The following KIAA0930 variants were observed in gnomAD, a reference collection of about 807,000 sequenced individuals.
KIAA0930 encodes uncharacterized protein KIAA0930.
A neutral mutation model predicts 43.9 loss-of-function variants in KIAA0930; 24 were observed. The ratio of observed to expected loss-of-function variants is 0.55; its 90% CI spans 0.40 to 0.77. The LOEUF (loss-of-function observed/expected upper bound fraction) is 0.77. KIAA0930 is among the 30% of genes least tolerant of loss of function. The pLI, the probability that KIAA0930 is intolerant of heterozygous loss-of-function variation, is 0.00. For missense variants in KIAA0930, 461 were observed against 574.2 expected (o/e 0.80, Z 2.02); for synonymous variants, 259 against 216.4 (o/e 1.20, Z -1.73).
chr22:45,198,131 C>G (rs2083554276), intron 8 of KIAA0930, 183 bp from the exon 9 acceptor site: 4 of 599,466 alleles, frequency 6.7e-6, no homozygotes, highest in Middle Eastern at 4.5e-4. Context: ...AACACCCCTC[C>G]CTGCTTCCTC....
chr22:45,211,501 G>C, intron 2 of KIAA0930: 1 of 405,742 alleles, frequency 2.5e-6, no homozygotes, highest in East Asian at 3.5e-5. Context: ...AAGAAGAAGA[G>C]AGCTCAGCAC....
chr22:45,213,257 G>GGCCCTCAGCCCTCA lies in KIAA0930; in HGVS notation c.65-1164_65-1151dup. On this transcript the variant is annotated intron_variant, in intron 1 of 9. Coordinates refer to ENST00000336156, the MANE Select transcript of KIAA0930 (RefSeq NM_001009880.2). The stretch of plus-strand genomic sequence containing the variant: ...GGACTCACAGCCAGCCCCAGCCCTC[G>GGCCCTCAGCCCTCA]GCCCTCAGCCCTCAGCCCTCTGCCC... 14 of 1,238,062 alleles carry GGCCCTCAGCCCTCA rather than the reference G, an allele frequency of 1.1e-5. No homozygotes were observed. The South Asian group carries it at 1.1e-4, about 10-fold the overall frequency. 76.7% of individuals were successfully genotyped at this position (1,238,062 alleles called of 1,614,324 possible).
intron 1 of KIAA0930, among the ~76,000 whole-genome samples, chr22:45,231,195 G>C (rs1418720708): frequency 6.8e-6 from 1 of 146,438 alleles, no homozygotes; most frequent in Non-Finnish European, 1.5e-5. Flanking sequence ...AGAGGTTGCA[G>C]TGAGCCAAGA....
In KIAA0930 at chr22:45,218,333, ATT is replaced by A. The variant is rs752298111; in HGVS notation, c.65-6228_65-6227del. Among the ~76,000 whole-genome samples, 310 of 51,698 alleles carry A rather than the reference ATT, an allele frequency of 6.0e-3. 2 individuals are homozygous for A. Among genetic ancestry groups the A allele is most frequent in the African/African-American group, 0.022 (266 of 12,288 alleles). The allele number at this position is 51,698 out of a possible 152,430, so 33.9% of individuals were successfully genotyped here. The stretch of plus-strand genomic sequence containing the variant: ...CCATCACACCCAGCTAATTTTTTTG[ATT>A]TTTTTTTTTTTTTTTTTTTTTTTTT... On this transcript the variant is annotated intron_variant, in intron 1 of 9. Coordinates refer to ENST00000336156, the MANE Select transcript of KIAA0930 (RefSeq NM_001009880.2).
At chr22:45,227,637 A>G (rs1455938642) in intron 1 of KIAA0930, among the ~76,000 whole-genome samples, 1 of 152,156 alleles carries the variant, frequency 6.6e-6, no homozygotes, top group African/African-American at 2.4e-5. Context: ...ACTGGAATGA[A>G]ACGCTGCCAA....
At position 45,205,711 on chromosome 22, in the gene KIAA0930, G is replaced by A; in HGVS notation, c.337-4C>T. ...CACAGGTCACCATGTAGTCCAGCTG[G>A]AAGAGAGCACGGGTCAGCGTGCAGG... On this transcript the variant is annotated splice_region_variant and splice_polypyrimidine_tract_variant and intron_variant, in intron 3 of 9. Transcript: ENST00000336156. 2 of 1,614,154 alleles carry A rather than the reference G, an allele frequency of 1.2e-6. No individual in the cohort carries two copies. Among genetic ancestry groups the A allele is most frequent in the Non-Finnish European group, 1.7e-6 (2 of 1,180,012 alleles).
In KIAA0930 at chr22:45,203,046, T is replaced by A. The variant is rs1236145556; in HGVS notation, c.796A>T (p.Thr266Ser). Residue 266 changes from threonine to serine, a missense_variant, in exon 7 of 10, where the codon ACA becomes TCA. Transcript: ENST00000336156. ...MAVSRVSTGD[T>S]SPCGTEEDSS... is the part of the protein sequence containing the mutation. ...TCCTCTTCAGTCCCACAGGGGGATGTGTCACCTGTAGACACTCGGCTGACC... is the reference window on the plus strand; with the variant it reads ...TCCTCTTCAGTCCCACAGGGGGATGAGTCACCTGTAGACACTCGGCTGACC... 3 of 1,613,598 alleles carry A rather than the reference T, an allele frequency of 1.9e-6. No individual in the cohort carries two copies. The Admixed American group carries it at 5.0e-5, about 27-fold the overall frequency.
Position 45,205,875 on chromosome 22 carries a change from C to T in KIAA0930, c.254G>A (p.Arg85Gln), listed in dbSNP as rs1463975403. 4.3e-6 allele frequency: 7 copies of T among 1,613,288 alleles called. No individual in the cohort carries two copies. Among genetic ancestry groups the T allele is most frequent in the African/African-American group, 4.0e-5 (3 of 74,768 alleles). ...EPEVEVEVYRRDSKKLPGLGD... is the reference protein window; with the variant it reads ...EPEVEVEVYRQDSKKLPGLGD... ...CAGGCCTGGCAGCTTCTTGGAGTCC[C>T]GCCGGTACACCTCCACCTCCACCTC... Residue 85 changes from arginine (R) to glutamine (Q), a missense_variant, in exon 3 of 10, where the codon CGG becomes CAG. Arg to Gln is a conservative substitution (Grantham distance 43). Transcript: ENST00000336156.
chr22:45,225,458 T>A (rs1569082299), intron 1 of KIAA0930, among the ~76,000 whole-genome samples: 1 of 152,104 alleles, frequency 6.6e-6, no homozygotes. Context: ...AAGTCCAGGC[T>A]CCCTTACCAG....
intron 1 of KIAA0930, among the ~76,000 whole-genome samples, chr22:45,223,930 G>C (rs945901985): frequency 2.0e-5 from 3 of 151,784 alleles, no homozygotes; most frequent in Non-Finnish European, 4.4e-5. Context: ...TGAGCACCCA[G>C]GGTAACCACT....
rs192902102 is a variant in KIAA0930 at position 45,239,380 on chromosome 22, A to G, written c.64+1260T>C. ...AGTAAATCTTGACACCTTTTCAGAA[A>G]GAAACCATTGAAACCTTGTCAACCA... On this transcript the variant is annotated intron_variant, in intron 1 of 9. Transcript: ENST00000336156. Among the ~76,000 whole-genome samples, 183 of 152,372 alleles carry G rather than the reference A, an allele frequency of 1.2e-3. 1 individual carries two copies. The Middle Eastern group carries it at 0.014, about 11-fold the overall frequency.
rs1297688001 is a variant in KIAA0930, at chr22:45,234,714, CTA to C, written c.64+5924_64+5925del. Among the ~76,000 whole-genome samples, 9 of 152,342 alleles carry C rather than the reference CTA, an allele frequency of 5.9e-5. No individual in the cohort carries two copies. The South Asian group carries it at 1.5e-3, about 25-fold the overall frequency. On this transcript the variant is annotated intron_variant, in intron 1 of 9. Coordinates refer to ENST00000336156, the MANE Select transcript of KIAA0930 (RefSeq NM_001009880.2). ...TCTAACAGTGAAAACTGGATCCCAG[CTA>C]TGTTTCCAACCACATGAGACCAATT...
chr22:45,240,281 T>C (rs563800152), intron 1 of KIAA0930, among the ~76,000 whole-genome samples: 2 of 152,332 alleles, frequency 1.3e-5, no homozygotes, highest in East Asian at 3.9e-4. Flanking sequence ...CCACACTCCC[T>C]ACCGCGGTGC....
At position 45,206,465 on chromosome 22, in the gene KIAA0930, T is replaced by G. The variant is rs548627884; in HGVS notation, c.217-553A>C. On this transcript the variant is annotated intron_variant, in intron 2 of 9. Transcript: ENST00000336156. Reference sequence around the variant, plus strand: ...AAGTTGTCATAATGATTTAAAGAGCTCATATTTGCTAAGTGGCATCAATGA... The same window carrying G: ...AAGTTGTCATAATGATTTAAAGAGCGCATATTTGCTAAGTGGCATCAATGA... 6.6e-5 allele frequency among the ~76,000 whole-genome samples: 10 copies of G among 152,314 alleles called. No homozygotes were observed. The South Asian group carries it at 2.1e-3, about 32-fold the overall frequency.
At chr22:45,208,617 T>A (rs186234595) in intron 2 of KIAA0930, among the ~76,000 whole-genome samples, 6 of 151,772 alleles carry the variant, frequency 4.0e-5, no homozygotes, top group African/African-American at 1.5e-4. Context: ...AGCCCTGGGG[T>A]GGGGTGAAGG....
intron 1 of KIAA0930, among the ~76,000 whole-genome samples, chr22:45,227,495 G>A (rs576106375): frequency 3.3e-4 from 50 of 152,282 alleles, no homozygotes; most frequent in African/African-American, 1.1e-3. Context: ...GAAGGGAAGC[G>A]CCAGCCTCGA....
intron 6 of KIAA0930, 136 bp from the exon 7 acceptor site, chr22:45,203,320 A>C: frequency 1.2e-6 from 1 of 857,346 alleles, no homozygotes; most frequent in Non-Finnish European, 1.8e-6. Context: ...CTGAGCTGGC[A>C]GGCGGGGCAG....
At chr22:45,212,535 TC>T in intron 1 of KIAA0930, 1 of 1,373,544 alleles carries the variant, frequency 7.3e-7, no homozygotes. Context: ...CCCCACCCAC[TC>T]CCCCTGGCTG....
chr22:45,221,539 T>C (rs2083767579), intron 1 of KIAA0930, among the ~76,000 whole-genome samples: 1 of 152,236 alleles, frequency 6.6e-6, no homozygotes, highest in African/African-American at 2.4e-5. Context: ...CTTTGCTCTA[T>C]GATCATTTTG....
Sources: gnomAD v4.1 joint callset for allele counts (sites outside exome capture counted in the v4.1 genomes callset) on GRCh38, gnomAD v4.1.1 for gene constraint, MANE v1.5 for transcripts, NCBI Gene and HGNC (gene_info 2026-07-23, HGNC 2026-07-21) for gene names.